The following ZDHHC5 variants were observed in gnomAD, a reference collection of about 807,000 sequenced individuals.
ZDHHC5 encodes palmitoyltransferase ZDHHC5.
A neutral mutation model predicts 70.0 loss-of-function variants in ZDHHC5; 22 were observed. The ratio of observed to expected loss-of-function variants is 0.31; its 90% CI spans 0.22 to 0.45. The LOEUF (loss-of-function observed/expected upper bound fraction) is 0.45, where lower values mean the gene tolerates loss of function less well. ZDHHC5 is among the 20% of genes least tolerant of loss of function. ZDHHC5 has a pLI of 1.00. For synonymous variants in ZDHHC5, 313 were observed against 347.8 expected (o/e 0.90, Z 1.11); for missense variants, 746 against 926.9 (o/e 0.80, Z 2.53).
At chr11:57,691,084 T>G (rs1000707263) in intron 6 of ZDHHC5, among the ~76,000 whole-genome samples, 1 of 152,212 alleles carries the variant, frequency 6.6e-6, no homozygotes, top group African/African-American at 2.4e-5. Context: ...TATTTTTTAT[T>G]TTTTTGAGAC....
At chr11:57,696,365 A>AT (rs1946351746) in intron 9 of ZDHHC5, among the ~76,000 whole-genome samples, 1 of 152,168 alleles carries the variant, frequency 6.6e-6, no homozygotes, top group Non-Finnish European at 1.5e-5. Context: ...AGCGAAGGGT[A>AT]TATCTATTCC....
At chr11:57,670,977 A>G (rs1945999518) in intron 1 of ZDHHC5, among the ~76,000 whole-genome samples, 1 of 152,096 alleles carries the variant, frequency 6.6e-6, no homozygotes, top group South Asian at 2.1e-4. Context: ...TAATTTTTGT[A>G]TTTTTAGTAG....
intron 2 of ZDHHC5, among the ~76,000 whole-genome samples, chr11:57,675,073 G>A (rs765686524): frequency 1.3e-5 from 2 of 152,138 alleles, no homozygotes; most frequent in Admixed American, 6.5e-5. Flanking sequence ...TTGCTAATAT[G>A]GCCAGGAAGT....
chr11:57,682,912 AGT>A lies in ZDHHC5; in HGVS notation c.226+373_226+374del, dbSNP rs200306726. Among the ~76,000 whole-genome samples the A allele has an allele frequency of 3.3e-5, 5 of 152,248 alleles. No homozygotes were observed. The East Asian group carries it at 9.6e-4, about 29-fold the overall frequency. ...CACAGTGAATTAAGACAGTTATGAC[AGT>A]GTGATGCAGACTATAATGGAGGCAA... On this transcript the variant is annotated intron_variant, in intron 3 of 11. Coordinates refer to ENST00000287169, the MANE Select transcript of ZDHHC5 (RefSeq NM_015457.3).
intron 3 of ZDHHC5, among the ~76,000 whole-genome samples, chr11:57,687,864 G>C (rs933638685): frequency 1.4e-5 from 2 of 141,534 alleles, no homozygotes; most frequent in East Asian, 4.9e-4. Context: ...TCCACTTCCC[G>C]GGTTCAAGCG....
chr11:57,675,068 A>G (rs1946054165), intron 2 of ZDHHC5, among the ~76,000 whole-genome samples: 1 of 152,218 alleles, frequency 6.6e-6, no homozygotes, highest in East Asian at 1.9e-4. Flanking sequence ...GGTTTTTGCT[A>G]ATATGGCCAG....
Position 57,698,648 on chromosome 11 carries a change from A to G in ZDHHC5, c.1212A>G (p.Pro404=). 6.2e-7 allele frequency: 1 copy of G among 1,614,214 alleles called. No individual in the cohort carries two copies. Among genetic ancestry groups the G allele is most frequent in the Non-Finnish European group, 8.5e-7 (1 of 1,180,044 alleles). Residue 404 remains proline (P), a synonymous_variant, in exon 11 of 12, where the codon CCA becomes CCG. Transcript: ENST00000287169. ...ACCGCTCAGAGCCCAGCTTGGAACC[A>G]GAGAGCTTCCGTTCTCCTACCTTTG... The part of the protein sequence containing the change: ...PSYRSEPSLE[P]ESFRSPTFGK...
At position 57,674,316 on chromosome 11, in the gene ZDHHC5, G is replaced by GTT. The variant is rs34645509; in HGVS notation, c.104+1137_104+1138dup. On this transcript the variant is annotated intron_variant, in intron 2 of 11. Transcript: ENST00000287169. ...GATTTAAACCTTCCCTTTTTCCTCA[G>GTT]TTTTTTTTTTTTTTTTATTAAGCTC... Among the ~76,000 whole-genome samples, 938 of 140,894 alleles carry GTT rather than the reference G, an allele frequency of 6.7e-3. 6 individuals are homozygous for GTT. The highest frequency in any genetic ancestry group is 0.032 in the Middle Eastern group (9 of 278). 92.4% of individuals were successfully genotyped at this position (140,894 alleles called of 152,430 possible).
chr11:57,673,204 C>T lies in ZDHHC5; in HGVS notation c.104+10C>T, dbSNP rs771638711. Reference sequence around the variant, plus strand: ...TCTTCTTTGCCTTTACGTGAGTTTTCTCCCAGCAGGGGTGTTTGGGTGGGT... The same window carrying T: ...TCTTCTTTGCCTTTACGTGAGTTTTTTCCCAGCAGGGGTGTTTGGGTGGGT... On this transcript the variant is annotated intron_variant, in intron 2 of 11. Transcript: ENST00000287169. 37 of 1,613,242 alleles carry T rather than the reference C, an allele frequency of 2.3e-5. No homozygotes were observed. The highest frequency in any genetic ancestry group is 3.3e-5 in the Admixed American group (2 of 59,990).
intron 2 of ZDHHC5, 26 bp downstream of exon 2, chr11:57,673,220 T>C (rs1565189732): frequency 6.2e-7 from 1 of 1,608,884 alleles, no homozygotes; most frequent in Non-Finnish European, 8.5e-7. Context: ...GCAGGGGTGT[T>C]TGGGTGGGTG....
At chr11:57,681,753 A>G (rs986613757) in intron 2 of ZDHHC5, 7 of 152,196 alleles carry the variant, frequency 4.6e-5, no homozygotes, top group South Asian at 2.1e-4. Context: ...TTGGTCTGAT[A>G]GTCTCTATCC....
At chr11:57,670,721 TGAATC>T in intron 1 of ZDHHC5, among the ~76,000 whole-genome samples, 1 of 152,130 alleles carries the variant, frequency 6.6e-6, no homozygotes, top group East Asian at 1.9e-4. Flanking sequence ...AAGAGAGAAA[TGAATC>T]GTAAGGGAAG....
At chr11:57,678,437 G>C (rs955131542) in intron 2 of ZDHHC5, among the ~76,000 whole-genome samples, 3 of 152,002 alleles carry the variant, frequency 2.0e-5, no homozygotes, top group East Asian at 1.9e-4. Flanking sequence ...CAGGCGTGGT[G>C]GTGGGCGCCT....
Position 57,698,603 on chromosome 11 carries a change from G to A in ZDHHC5, c.1167G>A (p.Glu389=). The A allele has an allele frequency of 6.2e-7, 1 of 1,613,474 alleles. No individual in the cohort carries two copies. The highest frequency in any genetic ancestry group is 1.1e-5 in the South Asian group (1 of 90,972). Reference sequence around the variant, plus strand: ...TGAAGGAGCCAACCTCAATTGCAGAGAGCAGCCGTCACCCCAGCTACCGCT... The same window carrying A: ...TGAAGGAGCCAACCTCAATTGCAGAAAGCAGCCGTCACCCCAGCTACCGCT... ...DSLKEPTSIA[E]SSRHPSYRSE... Residue 389 remains glutamate (E), a synonymous_variant, in exon 11 of 12, where the codon GAG becomes GAA. Coordinates refer to ENST00000287169, the MANE Select transcript of ZDHHC5 (RefSeq NM_015457.3).
In ZDHHC5 at chr11:57,700,978, GAGA is replaced by G. The variant is rs999742524; in HGVS notation, c.*950_*952del. ...TCACATGCCAAAAACGGGGGATAGA[GAGA>G]AGGAGTGGCAGGCCTAGGCCCCTCC... On this transcript the variant is annotated 3_prime_UTR_variant, in exon 12 of 12. Transcript: ENST00000287169. The G allele has an allele frequency of 7.9e-5, 12 of 152,860 alleles. No individual in the cohort carries two copies. Among genetic ancestry groups the G allele is most frequent in the East Asian group, 3.9e-4 (2 of 5,184 alleles). The allele number at this position is 152,860 out of a possible 1,614,324, so 9.5% of individuals were successfully genotyped here.
chr11:57,688,638 C>T lies in ZDHHC5; in HGVS notation c.357C>T (p.His119=), dbSNP rs1378811258. 1.2e-6 allele frequency: 2 copies of T among 1,609,424 alleles called. No individual in the cohort carries two copies. Among genetic ancestry groups the T allele is most frequent in the Non-Finnish European group, 8.5e-7 (1 of 1,177,904 alleles). ...CRFYRPPRCS[H]CSVCDNCVEE... ...TTTACCGTCCCCCTCGATGTTCCCA[C>T]TGCAGTGTCTGTGACAACTGTGTGG... is the stretch of plus-strand genomic sequence containing the variant. The change falls in exon 4 of 12, where the codon CAC becomes CAT. Residue 119 remains histidine, a synonymous_variant. Coordinates refer to ENST00000287169, the MANE Select transcript of ZDHHC5 (RefSeq NM_015457.3).
At chr11:57,677,283 A>ATTTTTTT (rs1170220902) in intron 2 of ZDHHC5, among the ~76,000 whole-genome samples, 2 of 81,690 alleles carry the variant, frequency 2.4e-5, no homozygotes, top group Non-Finnish European at 4.6e-5. Flanking sequence ...GCTTCACGTG[A>ATTTTTTT]TTTTTTTTTT....
At chr11:57,693,086 C>T (rs907663337) in intron 7 of ZDHHC5, among the ~76,000 whole-genome samples, 7 of 152,036 alleles carry the variant, frequency 4.6e-5, no homozygotes, top group Admixed American at 4.6e-4. Flanking sequence ...GTGGGCGAAT[C>T]ACTTGAGGTC....
rs971618944 is a variant in ZDHHC5 at position 57,672,067 on chromosome 11, A to G, written c.-1024A>G. The G allele has an allele frequency of 7.6e-6, 3 of 392,712 alleles. No individual in the cohort carries two copies. The highest frequency in any genetic ancestry group is 6.2e-5 in the African/African-American group (3 of 48,544). 24.3% of individuals were successfully genotyped at this position (392,712 alleles called of 1,614,324 possible). On this transcript the variant is annotated 5_prime_UTR_variant, in exon 2 of 12. Coordinates refer to ENST00000287169, the MANE Select transcript of ZDHHC5 (RefSeq NM_015457.3). ...GAACTCTGCATCTGGAAAGCTGAAG[A>G]CTGAAGAAAGATAAGAGACATTGAC... is the stretch of plus-strand genomic sequence containing the variant.
Sources: gnomAD v4.1 joint callset for allele counts (sites outside exome capture counted in the v4.1 genomes callset) on GRCh38, gnomAD v4.1.1 for gene constraint, MANE v1.5 for transcripts, NCBI Gene and HGNC (gene_info 2026-07-23, HGNC 2026-07-21) for gene names.